NOP9: variants seen among roughly 807,000 people sequenced by gnomAD.
The protein encoded by NOP9 is NOP9 nucleolar protein.
Under a neutral mutation model 63.0 loss-of-function variants are expected in NOP9, and 50 were observed. That is an observed-to-expected ratio of 0.79 (90% CI 0.63 to 1.00). The LOEUF (loss-of-function observed/expected upper bound fraction) is 1.00. Ranked by LOEUF, NOP9 falls within the 50% of genes least tolerant of loss-of-function variation. NOP9 has a pLI of 0.00. For synonymous variants in NOP9, 343 were observed against 332.8 expected, an observed-to-expected ratio of 1.03 and a Z score of -0.33; for missense variants, 758 against 803.0, an observed-to-expected ratio of 0.94 and a Z score of 0.68.
intron 9 of NOP9, 73 bp from the exon 10 acceptor site, chr14:24,304,865 G>T: frequency 6.9e-7 from 1 of 1,456,114 alleles, no homozygotes; most frequent in Non-Finnish European, 9.2e-7. Flanking sequence ...TGGGGGAAAT[G>T]GAGGGATCTT....
chr14:24,271,254 C>T, the NOP9 span: 2 of 1,105,968 alleles, frequency 1.8e-6, no homozygotes, highest in East Asian at 2.6e-5. Flanking sequence ...CGTGCCTGGG[C>T]AGAGACCCCC....
Position 24,306,685 on chromosome 14 carries a change from A to C in NOP9, c.*1590A>C, listed in dbSNP as rs540966832. On this transcript the variant is annotated 3_prime_UTR_variant, in exon 10 of 10. Transcript: ENST00000267425. ...AAGGTTGCAGCTCTCCGTGTTCTTC[A>C]GTTTTTGGGGGATCCTAGCTAGAGG... 8.5e-4 allele frequency: 683 copies of C among 807,694 alleles called. 3 individuals are homozygous for C. The highest frequency in any genetic ancestry group is 2.7e-3 in the South Asian group (152 of 57,262). 50.0% of individuals were successfully genotyped at this position (807,694 alleles called of 1,614,324 possible).
At position 24,305,174 on chromosome 14, in the gene NOP9, G is replaced by A. The variant is rs1566414608; in HGVS notation, c.*79G>A. 11 of 1,290,138 alleles carry A rather than the reference G, an allele frequency of 8.5e-6. No homozygotes were observed. The East Asian group carries it at 2.9e-4, about 34-fold the overall frequency. The allele number at this position is 1,290,138 out of a possible 1,614,324, so 79.9% of individuals were successfully genotyped here. ...CCCCATCCCTTTCCTGGTTTAAATT[G>A]GAGTCAGAAGTCTTAGTGGTAAATA... is the stretch of plus-strand genomic sequence containing the variant. On this transcript the variant is annotated 3_prime_UTR_variant, in exon 10 of 10. Coordinates refer to ENST00000267425, the MANE Select transcript of NOP9 (RefSeq NM_174913.3).
the NOP9 span, among the ~76,000 whole-genome samples, chr14:24,281,151 G>C: frequency 1.3e-5 from 2 of 152,218 alleles, no homozygotes; most frequent in African/African-American, 4.8e-5. Context: ...AGGCATCCAA[G>C]GCTCCCACTG....
chr14:24,295,251 G>C (rs1443524719), upstream of NOP9, among the ~76,000 whole-genome samples: 1 of 152,144 alleles, frequency 6.6e-6, no homozygotes, highest in Non-Finnish European at 1.5e-5. Context: ...TATATATCAG[G>C]CAAGAGAGCA....
chr14:24,306,451 C>T lies in NOP9; in HGVS notation c.*1356C>T, dbSNP rs370835377. The T allele has an allele frequency of 4.3e-5, 70 of 1,614,136 alleles. No individual in the cohort carries two copies. In the Middle Eastern group the frequency reaches 9.9e-4, roughly 23 times the overall value. ...TCCTCCAGCAGCTGGAAGAAGTCCT[C>T]ACTGTCCACTGCAGTTCCATCCTCC... On this transcript the variant is annotated 3_prime_UTR_variant, in exon 10 of 10. Coordinates refer to ENST00000267425, the MANE Select transcript of NOP9 (RefSeq NM_174913.3).
upstream of NOP9, chr14:24,299,213 C>T: frequency 2.3e-6 from 3 of 1,328,854 alleles, no homozygotes; most frequent in Non-Finnish European, 3.0e-6. Flanking sequence ...GGGAGAACCT[C>T]ACTAGGGCTA....
the NOP9 span, among the ~76,000 whole-genome samples, chr14:24,289,574 A>C: frequency 6.6e-6 from 1 of 152,224 alleles, no homozygotes; most frequent in Non-Finnish European, 1.5e-5. Flanking sequence ...GAGGGTGAGC[A>C]GGTGCTGAGG....
At chr14:24,299,835 CT>C, upstream of NOP9, 10 of 1,287,414 alleles carry the variant, frequency 7.8e-6, no homozygotes, top group Non-Finnish European at 1.0e-5. Flanking sequence ...GACGTAGTAG[CT>C]GCGTCAGGAG....
At chr14:24,290,659 TAAAA>T in the NOP9 span, 1 of 571,242 alleles carries the variant, frequency 1.8e-6, no homozygotes, top group South Asian at 2.5e-5. Context: ...AGGCAAAAAG[TAAAA>T]AGAAGGACAA....
rs375775012 is a variant in NOP9 at position 24,302,044 on chromosome 14, C to T, written c.888C>T (p.Cys296=). ...TACACCGCAAACTTCCCCAGTTTTGCGCTCATCTCTGCAATGCTGTGATTG... is the reference window on the plus strand; with the variant it reads ...TACACCGCAAACTTCCCCAGTTTTGTGCTCATCTCTGCAATGCTGTGATTG... ...QVLHRKLPQF[C]AHLCNAVIGY... is the part of the protein sequence containing the mutation. The change falls in exon 4 of 10, where the codon TGC becomes TGT. Residue 296 remains cysteine (C), a synonymous_variant. Coordinates refer to ENST00000267425, the MANE Select transcript of NOP9 (RefSeq NM_174913.3). The T allele has an allele frequency of 1.2e-4, 189 of 1,613,816 alleles. No homozygotes were observed. The highest frequency in any genetic ancestry group is 3.3e-4 in the Middle Eastern group (2 of 6,080).
the NOP9 span, among the ~76,000 whole-genome samples, chr14:24,273,176 A>AT: frequency 0.17 from 23,114 of 137,870 alleles, 2,410 homozygotes; most frequent in African/African-American, 0.29. Flanking sequence ...AGTGCTTTAA[A>AT]TTTTTTTTTT....
chr14:24,274,001 C>A, the NOP9 span, among the ~76,000 whole-genome samples: 1 of 152,166 alleles, frequency 6.6e-6, no homozygotes, highest in South Asian at 2.1e-4. Context: ...TAAGTAAGGG[C>A]TCAGTATAGT....
At chr14:24,280,700 C>T in the NOP9 span, among the ~76,000 whole-genome samples, 92 of 152,266 alleles carry the variant, frequency 6.0e-4, 1 homozygote, top group African/African-American at 2.1e-3. Flanking sequence ...GGAGACAGTC[C>T]CTGTAGGAGC....
chr14:24,277,361 C>T, the NOP9 span, among the ~76,000 whole-genome samples: 8 of 152,044 alleles, frequency 5.3e-5, no homozygotes, highest in African/African-American at 1.7e-4. Context: ...TCAGCGTGGG[C>T]GTCAGGTGTG....
the NOP9 span, among the ~76,000 whole-genome samples, chr14:24,283,021 C>G: frequency 6.6e-6 from 1 of 152,238 alleles, no homozygotes. Flanking sequence ...ACTCTCAGCA[C>G]ATGACAACTC....
chr14:24,275,679 G>T, the NOP9 span, among the ~76,000 whole-genome samples: 2 of 152,114 alleles, frequency 1.3e-5, no homozygotes, highest in East Asian at 3.8e-4. Context: ...CAGGGCCCTG[G>T]GCCAGGGCCC....
upstream of NOP9, among the ~76,000 whole-genome samples, chr14:24,295,729 C>T (rs1334057476): frequency 1.3e-5 from 2 of 152,224 alleles, no homozygotes; most frequent in Non-Finnish European, 2.9e-5. Flanking sequence ...CCTCCTCTGT[C>T]CTAATGATCT....
At chr14:24,303,657 T>TGAAG in intron 6 of NOP9, 75 bp from the exon 7 acceptor site, 1 of 1,518,076 alleles carries the variant, frequency 6.6e-7, no homozygotes, top group Admixed American at 1.7e-5. Flanking sequence ...TTTCCTTTCC[T>TGAAG]GAAGGTGTTC....
Sources: gnomAD v4.1 joint callset for allele counts (sites outside exome capture counted in the v4.1 genomes callset) on GRCh38, gnomAD v4.1.1 for gene constraint, MANE v1.5 for transcripts, NCBI Gene and HGNC (gene_info 2026-07-23, HGNC 2026-07-21) for gene names.